The following TMEM132B variants were observed in gnomAD, a reference collection of about 807,000 sequenced individuals.
TMEM132B encodes transmembrane protein 132B.
A neutral mutation model predicts 90.8 loss-of-function variants in TMEM132B; 18 were observed. The ratio of observed to expected loss-of-function variants is 0.20; its 90% CI spans 0.14 to 0.29. The LOEUF (loss-of-function observed/expected upper bound fraction) is 0.29. TMEM132B is among the 10% of genes least tolerant of loss of function. The pLI, the probability that TMEM132B is intolerant of heterozygous loss-of-function variation, is 1.00. For missense variants in TMEM132B, 1,096 were observed against 1,326.8 expected (o/e 0.83, Z 2.70); for synonymous variants, 504 against 523.3 (o/e 0.96, Z 0.50).
At position 125,336,347 on chromosome 12, in the gene TMEM132B, T is replaced by C. The variant is rs1209424026; in HGVS notation, c.68-13105T>C. On this transcript the variant is annotated intron_variant, in intron 1 of 8. Coordinates refer to ENST00000682704, the MANE Select transcript of TMEM132B (RefSeq NM_001366854.1). Reference sequence around the variant, plus strand: ...TTTGCTCCTCTTTACTGCCGAGTAGTGTTCCACCCAACACAGGTACCGAGG... The same window carrying C: ...TTTGCTCCTCTTTACTGCCGAGTAGCGTTCCACCCAACACAGGTACCGAGG... 3.3e-5 allele frequency among the ~76,000 whole-genome samples: 5 copies of C among 152,200 alleles called. No individual in the cohort carries two copies. The East Asian group carries it at 7.7e-4, about 23-fold the overall frequency.
At chr12:125,539,964 T>C (rs1883910521) in intron 4 of TMEM132B, among the ~76,000 whole-genome samples, 1 of 152,210 alleles carries the variant, frequency 6.6e-6, no homozygotes, top group Admixed American at 6.5e-5. Flanking sequence ...TTCTCCCCTA[T>C]AGACATTTAG....
intron 4 of TMEM132B, among the ~76,000 whole-genome samples, chr12:125,575,788 G>A (rs1317112735): frequency 6.6e-6 from 1 of 151,870 alleles, no homozygotes; most frequent in Non-Finnish European, 1.5e-5. Context: ...TGGATATCCG[G>A]TTATCCCAGC....
intron 1 of TMEM132B, among the ~76,000 whole-genome samples, chr12:125,193,835 G>A (rs907927528): frequency 2.0e-5 from 3 of 152,268 alleles, no homozygotes; most frequent in Admixed American, 2.0e-4. Flanking sequence ...AGACAACAGT[G>A]AAGCAGTGGA....
chr12:125,230,372 G>A (rs12366362), intron 1 of TMEM132B, among the ~76,000 whole-genome samples: 5,655 of 152,224 alleles, frequency 0.037, 129 homozygotes, highest in Non-Finnish European at 0.049. Context: ...GGACTGCAGC[G>A]ACAGCATCTG....
chr12:125,500,489 G>T (rs1387089194), intron 3 of TMEM132B, among the ~76,000 whole-genome samples: 1 of 152,184 alleles, frequency 6.6e-6, no homozygotes, highest in Non-Finnish European at 1.5e-5. Context: ...AGGACCACTA[G>T]TTTCAAGGTG....
At chr12:125,191,390 C>A (rs975413273) in intron 1 of TMEM132B, among the ~76,000 whole-genome samples, 1 of 152,120 alleles carries the variant, frequency 6.6e-6, no homozygotes, top group African/African-American at 2.4e-5. Context: ...AAGGGAGGAT[C>A]TGGAGGTCCA....
chr12:125,324,106 A>G (rs1876497448), intron 1 of TMEM132B, among the ~76,000 whole-genome samples: 1 of 152,234 alleles, frequency 6.6e-6, no homozygotes, highest in African/African-American at 2.4e-5. Flanking sequence ...CCAACTTCAG[A>G]TCAGAAAAAT....
At chr12:125,610,507 G>A (rs184626842) in intron 5 of TMEM132B, among the ~76,000 whole-genome samples, 114 of 152,142 alleles carry the variant, frequency 7.5e-4, no homozygotes, top group African/African-American at 2.6e-3. Context: ...AGTTGATCAT[G>A]TGTTTTTGTT....
intron 3 of TMEM132B, among the ~76,000 whole-genome samples, chr12:125,418,733 G>T (rs1880091828): frequency 6.6e-6 from 1 of 152,168 alleles, no homozygotes; most frequent in South Asian, 2.1e-4. Flanking sequence ...TTAAAAATGT[G>T]TTGTATGGGA....
intron 5 of TMEM132B, among the ~76,000 whole-genome samples, chr12:125,616,389 A>AGGT (rs1321419050): frequency 1.3e-5 from 2 of 152,142 alleles, no homozygotes; most frequent in African/African-American, 4.8e-5. Flanking sequence ...GAGGCAGAAG[A>AGGT]GGAAGCCTGG....
intron 3 of TMEM132B, among the ~76,000 whole-genome samples, chr12:125,435,474 G>C (rs1171024230): frequency 6.6e-6 from 1 of 152,150 alleles, no homozygotes; most frequent in African/African-American, 2.4e-5. Flanking sequence ...TGGTCGCCAA[G>C]CAAGGACATA....
intron 2 of TMEM132B, among the ~76,000 whole-genome samples, chr12:125,388,698 A>G (rs1258464621): frequency 9.2e-5 from 14 of 152,170 alleles, no homozygotes. Flanking sequence ...CTTTTCCAGA[A>G]CAGTGTTCCA....
rs571337137 is a variant in TMEM132B at position 125,445,667 on chromosome 12, G to A, written c.1106+29990G>A. Among the ~76,000 whole-genome samples the A allele has an allele frequency of 1.2e-3, 185 of 152,326 alleles. 1 individual carries two copies. Among genetic ancestry groups the A allele is most frequent in the Non-Finnish European group, 6.2e-4 (42 of 68,024 alleles). ...GTGTGATCCCTTGGCAAGCTCACAA[G>A]CTGGCCAGGCCTGGGTACCATCTTG... On this transcript the variant is annotated intron_variant, in intron 3 of 8. Transcript: ENST00000682704. The surrounding 1 kb of genome is among the most constrained non-coding windows in gnomAD (Gnocchi z 4.3).
rs181747338 is a variant in TMEM132B at position 125,508,528 on chromosome 12, A to G, written c.1107-10911A>G. Among the ~76,000 whole-genome samples the G allele has an allele frequency of 1.1e-3, 171 of 152,246 alleles. 4 individuals are homozygous for G. In the East Asian group the frequency reaches 0.025, roughly 22 times the overall value. On this transcript the variant is annotated intron_variant, in intron 3 of 8. Transcript: ENST00000682704. ...GGTGTTGGACTTATAGGAGCCCTCC[A>G]TGGCCACCTGGGAAAATCTAGCTAA...
intron 1 of TMEM132B, among the ~76,000 whole-genome samples, chr12:125,314,543 C>T (rs1427240936): frequency 6.6e-6 from 1 of 152,126 alleles, no homozygotes; most frequent in African/African-American, 2.4e-5. Flanking sequence ...CACCCGGGCT[C>T]AGAGGGGCTC....
rs554871912 is a variant in TMEM132B at position 125,487,988 on chromosome 12, A to G, written c.1107-31451A>G. 3.9e-5 allele frequency among the ~76,000 whole-genome samples: 6 copies of G among 152,280 alleles called. No homozygotes were observed. In the East Asian group the frequency reaches 7.7e-4, roughly 20 times the overall value. On this transcript the variant is annotated intron_variant, in intron 3 of 8. Transcript: ENST00000682704. ...TCTCTTCCATTGTAAACCAGTCCTG[A>G]TATTCCCAAGGTGGTCTGGTTGAAG...
At chr12:125,529,035 C>T (rs1883574398) in intron 4 of TMEM132B, among the ~76,000 whole-genome samples, 1 of 148,114 alleles carries the variant, frequency 6.8e-6, no homozygotes, top group Admixed American at 6.9e-5. Flanking sequence ...CTTCTTCCTC[C>T]CTCCTCCTTC....
chr12:125,269,165 C>T (rs1468955591), intron 1 of TMEM132B, among the ~76,000 whole-genome samples: 5 of 152,220 alleles, frequency 3.3e-5, no homozygotes, highest in Non-Finnish European at 4.4e-5. Context: ...TGCAGTTCAT[C>T]GAGCAGACCT....
intron 3 of TMEM132B, among the ~76,000 whole-genome samples, chr12:125,512,137 T>G (rs1212556626): frequency 6.6e-6 from 1 of 152,160 alleles, no homozygotes; most frequent in East Asian, 1.9e-4. Flanking sequence ...CAAGTGTGTT[T>G]TCTCAGAAAT....
Sources: allele counts gnomAD v4.1 joint callset (sites outside exome capture counted in the v4.1 genomes callset), GRCh38; gene constraint gnomAD v4.1.1; non-coding constraint Gnocchi (gnomAD v3.1); transcripts MANE v1.5; gene names NCBI Gene and HGNC (gene_info 2026-07-23, HGNC 2026-07-21).